Variants in ALG14 observed in about 807,000 individuals in gnomAD.
The protein encoded by ALG14 is ALG14 UDP-N-acetylglucosaminyltransferase subunit.
A neutral mutation model predicts 22.8 loss-of-function variants in ALG14; 17 were observed. The ratio of observed to expected loss-of-function variants is 0.75; its 90% CI spans 0.51 to 1.12. The LOEUF is 1.12. Among genes scored for constraint, ALG14 ranks in the 50% most tolerant of loss-of-function variants. ALG14 has a pLI of 0.00. For synonymous variants in ALG14, 89 were observed against 103.7 expected (o/e 0.86, Z 0.86); for missense variants, 288 against 271.8 (o/e 1.06, Z -0.42).
At chr1:95,024,536 C>G (rs1212282571) in intron 3 of ALG14, among the ~76,000 whole-genome samples, 2 of 152,162 alleles carry the variant, frequency 1.3e-5, no homozygotes, top group Admixed American at 6.5e-5. Context: ...TTACTTAGGT[C>G]TCTCTGGCAT....
intron 2 of ALG14, chr1:95,062,167 C>T (rs1486665708): frequency 2.6e-5 from 4 of 152,150 alleles, no homozygotes; most frequent in African/African-American, 9.7e-5. Flanking sequence ...CCAATAAGCA[C>T]ATGAACAGGA....
intron 2 of ALG14, among the ~76,000 whole-genome samples, chr1:95,054,789 A>T (rs1046141526): frequency 6.6e-6 from 1 of 152,234 alleles, no homozygotes; most frequent in Admixed American, 6.5e-5. Flanking sequence ...CTGAGAATAA[A>T]AAGTTGTCTA....
At chr1:95,037,738 T>TA (rs1294743814) in intron 2 of ALG14, among the ~76,000 whole-genome samples, 7 of 152,210 alleles carry the variant, frequency 4.6e-5, no homozygotes, top group African/African-American at 7.2e-5. Context: ...CTTAAAATGG[T>TA]AAGAAAATTG....
At chr1:95,046,939 C>T (rs1674576552) in intron 2 of ALG14, among the ~76,000 whole-genome samples, 2 of 151,872 alleles carry the variant, frequency 1.3e-5, no homozygotes, top group Non-Finnish European at 2.9e-5. Context: ...TGCACTCCAG[C>T]CTGGGCGACA....
At chr1:95,016,453 A>G (rs1420198222) in intron 3 of ALG14, among the ~76,000 whole-genome samples, 1 of 152,212 alleles carries the variant, frequency 6.6e-6, no homozygotes, top group Admixed American at 6.5e-5. Flanking sequence ...TGACCATTGA[A>G]TAATATGACT....
Position 94,983,029 on chromosome 1 carries a change from C to G in ALG14, c.*47G>C, listed in dbSNP as rs759471629. 6.5e-7 allele frequency: 1 copy of G among 1,539,946 alleles called. No homozygotes were observed. The highest frequency in any genetic ancestry group is 9.0e-7 in the Non-Finnish European group (1 of 1,113,756). On this transcript the variant is annotated 3_prime_UTR_variant, in exon 4 of 4. Transcript: ENST00000370205. ...GGTTTTTTTCCCCCCAATTTGAGTA[C>G]ATACTACTGTTAACTGCAAAATTCT...
chr1:95,025,723 A>T (rs934201949), intron 3 of ALG14, among the ~76,000 whole-genome samples: 2 of 152,186 alleles, frequency 1.3e-5, no homozygotes, highest in African/African-American at 4.8e-5. Flanking sequence ...AGTCTCAACC[A>T]ACCTTTGCTA....
At chr1:95,046,764 A>T (rs1265438111) in intron 2 of ALG14, among the ~76,000 whole-genome samples, 1 of 152,270 alleles carries the variant, frequency 6.6e-6, no homozygotes, top group African/African-American at 2.4e-5. Flanking sequence ...TGAAAATGAT[A>T]GGAAATGGTA....
At position 94,982,775 on chromosome 1, in the gene ALG14, A is replaced by T. The variant is rs1218442590; in HGVS notation, c.*301T>A. The T allele has an allele frequency of 4.4e-6, 1 of 224,830 alleles. No individual in the cohort carries two copies. Among genetic ancestry groups the T allele is most frequent in the East Asian group, 1.1e-4 (1 of 8,722 alleles). The allele number at this position is 224,830 out of a possible 1,614,324, so 13.9% of individuals were successfully genotyped here. On this transcript the variant is annotated 3_prime_UTR_variant, in exon 4 of 4. Transcript: ENST00000370205. ...ATACAAACTCTATATTTAGTTCTGT[A>T]AAAAAAATACTACTAAAACAGCCAG... is the stretch of plus-strand genomic sequence containing the variant.
intron 3 of ALG14, among the ~76,000 whole-genome samples, chr1:94,993,548 G>T (rs923675760): frequency 1.3e-5 from 2 of 151,788 alleles, no homozygotes; most frequent in African/African-American, 4.8e-5. Context: ...ACCAACGGTG[G>T]ATGCCTAAAG....
At chr1:95,021,485 G>A (rs1448464571) in intron 3 of ALG14, among the ~76,000 whole-genome samples, 8 of 152,088 alleles carry the variant, frequency 5.3e-5, no homozygotes, top group Admixed American at 1.3e-4. Flanking sequence ...TTCAATTATC[G>A]GTGCTGTCTG....
At chr1:95,036,522 A>AT (rs1557966417) in intron 2 of ALG14, among the ~76,000 whole-genome samples, 1 of 143,406 alleles carries the variant, frequency 7.0e-6, no homozygotes, top group African/African-American at 2.7e-5. Context: ...CACAACCCAA[A>AT]TTCAAGCAAT....
rs1232217043 is a variant in ALG14 at position 94,979,860 on chromosome 1, T to A, written c.*3216A>T. ...AGAGGGATGGGCCCTAACAAAAGAA[T>A]GTTGAAGGCGGACAAGATTTGGGTG... is the stretch of plus-strand genomic sequence containing the variant. On this transcript the variant is annotated 3_prime_UTR_variant, in exon 4 of 4. Coordinates refer to ENST00000370205, the MANE Select transcript of ALG14 (RefSeq NM_144988.4). 1 of 152,184 alleles carries A rather than the reference T, an allele frequency of 6.6e-6. No homozygotes were observed. Among genetic ancestry groups the A allele is most frequent in the African/African-American group, 2.4e-5 (1 of 41,430 alleles). The allele number at this position is 152,184 out of a possible 1,614,324, so 9.4% of individuals were successfully genotyped here.
intron 2 of ALG14, among the ~76,000 whole-genome samples, chr1:95,055,827 C>T (rs1302793207): frequency 1.3e-4 from 6 of 45,644 alleles, no homozygotes; most frequent in Non-Finnish European, 2.2e-4. Context: ...CCCGTCTCTA[C>T]TAAAAAAAAA....
intron 3 of ALG14, among the ~76,000 whole-genome samples, chr1:94,991,029 G>A (rs535397088): frequency 3.7e-4 from 56 of 152,372 alleles, no homozygotes; most frequent in African/African-American, 1.3e-3. Flanking sequence ...TTGCAATCAT[G>A]CAGACCCTGG....
At chr1:95,057,644 G>GTGTA (rs919397572) in intron 2 of ALG14, among the ~76,000 whole-genome samples, 5 of 149,976 alleles carry the variant, frequency 3.3e-5, no homozygotes, top group Admixed American at 2.0e-4. Context: ...GTGTGTGTGT[G>GTGTA]TGTATGTAGA....
chr1:95,030,421 T>C (rs1645681097), intron 2 of ALG14, among the ~76,000 whole-genome samples: 1 of 152,298 alleles, frequency 6.6e-6, no homozygotes, highest in South Asian at 2.1e-4. Flanking sequence ...ATTGTTATTA[T>C]TGTGATAAAA....
intron 2 of ALG14, among the ~76,000 whole-genome samples, chr1:95,037,995 G>A (rs913415775): frequency 3.3e-5 from 5 of 152,106 alleles, no homozygotes; most frequent in Non-Finnish European, 7.4e-5. Context: ...GCAGTCAAAG[G>A]GATAACTATA....
rs1424425739 is a variant in ALG14, at chr1:94,980,765, T to C, written c.*2311A>G. On this transcript the variant is annotated 3_prime_UTR_variant, in exon 4 of 4. Transcript: ENST00000370205. ...ATGTCTCAGCCTGGCTCTGAATGAG[T>C]ACACAGCAGCCTGAACCTATGAAAG... 1.3e-5 allele frequency: 2 copies of C among 152,212 alleles called. No individual in the cohort carries two copies. Among genetic ancestry groups the C allele is most frequent in the African/African-American group, 2.4e-5 (1 of 41,444 alleles). The allele number at this position is 152,212 out of a possible 1,614,324, so 9.4% of individuals were successfully genotyped here.
Sources: gnomAD v4.1 joint callset for allele counts (sites outside exome capture counted in the v4.1 genomes callset) on GRCh38, gnomAD v4.1.1 for gene constraint, MANE v1.5 for transcripts, NCBI Gene and HGNC (gene_info 2026-07-23, HGNC 2026-07-21) for gene names.